CAST: variants seen among roughly 807,000 people sequenced by gnomAD.
The protein encoded by CAST is calpastatin, also known as MIR583 host.
In CAST, 76 loss-of-function variants were observed where a neutral mutation model predicts 119.6. That is an observed-to-expected ratio of 0.64 (90% CI 0.53 to 0.77). The LOEUF (loss-of-function observed/expected upper bound fraction) is 0.77. Among genes scored for constraint, CAST ranks in the 30% least tolerant of loss-of-function variants. The pLI is 0.00. For synonymous variants in CAST, 319 were observed against 331.6 expected (o/e 0.96, Z 0.41); for missense variants, 953 against 946.5 (o/e 1.01, Z -0.09).
At chr5:96,254,940 A>G in the CAST span, among the ~76,000 whole-genome samples, 1 of 152,164 alleles carries the variant, frequency 6.6e-6, no homozygotes, top group Non-Finnish European at 1.5e-5. Context: ...TTTGTCGGGC[A>G]TATTTGCTCA....
the CAST span, among the ~76,000 whole-genome samples, chr5:96,077,029 T>C: frequency 1.3e-5 from 2 of 151,702 alleles, no homozygotes; most frequent in African/African-American, 4.8e-5. Context: ...ATTAAAATTA[T>C]CCATGTTTTT....
chr5:96,100,818 C>G, the CAST span, among the ~76,000 whole-genome samples: 1 of 152,038 alleles, frequency 6.6e-6, no homozygotes, highest in Non-Finnish European at 1.5e-5. Context: ...CTACACATAT[C>G]TTACATACTT....
chr5:96,216,812 T>C, the CAST span, among the ~76,000 whole-genome samples: 5 of 152,180 alleles, frequency 3.3e-5, no homozygotes, highest in African/African-American at 1.2e-4. Context: ...GTTTGCCAAG[T>C]ACCTAAGTCT....
chr5:96,117,928 G>A, the CAST span, among the ~76,000 whole-genome samples: 1 of 152,278 alleles, frequency 6.6e-6, no homozygotes, highest in East Asian at 1.9e-4. Flanking sequence ...AAGATAGTCT[G>A]AAATTTCAAA....
chr5:96,491,527 T>TAAAAAAAAAAAAAAA, the CAST span, among the ~76,000 whole-genome samples: 2 of 106,164 alleles, frequency 1.9e-5, no homozygotes, highest in African/African-American at 3.4e-5. Flanking sequence ...AAAAAAAAAT[T>TAAAAAAAAAAAAAAA]AAAAAGACCA....
the CAST span, among the ~76,000 whole-genome samples, chr5:96,347,167 AG>A: frequency 6.6e-6 from 1 of 152,144 alleles, no homozygotes; most frequent in Non-Finnish European, 1.5e-5. Context: ...TGGTGTGGCC[AG>A]GGCTACCTGA....
At chr5:96,674,260 T>C (rs571388820) in intron 1 of CAST, among the ~76,000 whole-genome samples, 1 of 151,586 alleles carries the variant, frequency 6.6e-6, no homozygotes, top group East Asian at 1.9e-4. Flanking sequence ...TGAGCTTCTT[T>C]TTTGTATCAA....
At position 96,773,355 on chromosome 5, in the gene CAST, A is replaced by G. The variant is rs1480862828; in HGVS notation, c.*739A>G. ...AACAGAGCAAAATAAAGGTTAGATA[A>G]GTCCTTGTGTAGCAAATTTCGAGCA... is the stretch of plus-strand genomic sequence containing the variant. On this transcript the variant is annotated 3_prime_UTR_variant, in exon 32 of 32. Transcript: ENST00000675179. 6.5e-6 allele frequency: 1 copy of G among 153,378 alleles called. No homozygotes were observed. Among genetic ancestry groups the G allele is most frequent in the African/African-American group, 2.4e-5 (1 of 41,462 alleles). The allele number at this position is 153,378 out of a possible 1,614,324, so 9.5% of individuals were successfully genotyped here. A position where few individuals can be genotyped will look rare whatever the true frequency, so the allele number is the denominator to read the frequency against.
At chr5:96,280,327 A>G in the CAST span, among the ~76,000 whole-genome samples, 2 of 152,216 alleles carry the variant, frequency 1.3e-5, no homozygotes, top group Admixed American at 6.5e-5. Flanking sequence ...CATTATAAAG[A>G]TGATTCATAT....
the CAST span, among the ~76,000 whole-genome samples, chr5:96,478,897 G>C: frequency 6.6e-6 from 1 of 152,190 alleles, no homozygotes; most frequent in Non-Finnish European, 1.5e-5. Flanking sequence ...ATTACATAGG[G>C]AGCGCACTGG....
At chr5:96,232,648 A>G in the CAST span, among the ~76,000 whole-genome samples, 3,262 of 152,196 alleles carry the variant, frequency 0.021, 116 homozygotes, top group African/African-American at 0.074. Flanking sequence ...TAAAAAGAAC[A>G]AAAAATTGAG....
At chr5:96,102,507 T>A in the CAST span, among the ~76,000 whole-genome samples, 5 of 151,984 alleles carry the variant, frequency 3.3e-5, no homozygotes, top group Non-Finnish European at 7.4e-5. Context: ...AAATAACCAA[T>A]CAGGAGAGAG....
chr5:96,374,889 G>A, the CAST span, among the ~76,000 whole-genome samples: 2 of 152,122 alleles, frequency 1.3e-5, no homozygotes, highest in African/African-American at 4.8e-5. Flanking sequence ...TATGATCAGG[G>A]CTGAGCAGTG....
At chr5:96,617,745 T>C (rs1337691675) in intron 1 of CAST, among the ~76,000 whole-genome samples, 1 of 113,402 alleles carries the variant, frequency 8.8e-6, no homozygotes, top group Non-Finnish European at 1.6e-5. Flanking sequence ...TGAGCCAAGA[T>C]CACACCACTG....
the CAST span, among the ~76,000 whole-genome samples, chr5:96,350,076 T>C: frequency 6.6e-6 from 1 of 152,206 alleles, no homozygotes; most frequent in South Asian, 2.1e-4. Flanking sequence ...AAAAAGTGTC[T>C]GCGACAGGTC....
the CAST span, among the ~76,000 whole-genome samples, chr5:96,272,592 C>T: frequency 6.6e-6 from 1 of 151,556 alleles, no homozygotes; most frequent in East Asian, 1.9e-4. Flanking sequence ...TTATGAGAGG[C>T]CAAAAATGGT....
chr5:96,405,207 G>A, the CAST span, among the ~76,000 whole-genome samples: 769 of 152,294 alleles, frequency 5.0e-3, 8 homozygotes, highest in African/African-American at 0.018. Context: ...TCTTACTGAT[G>A]AATTGAGTCA....
At chr5:96,686,507 G>T (rs1217604823) in intron 2 of CAST, among the ~76,000 whole-genome samples, 3 of 152,126 alleles carry the variant, frequency 2.0e-5, no homozygotes, top group African/African-American at 7.2e-5. Flanking sequence ...AGGGTCAGTA[G>T]GGCTGAAATG....
chr5:96,265,659 C>G, the CAST span, among the ~76,000 whole-genome samples: 1 of 152,170 alleles, frequency 6.6e-6, no homozygotes, highest in African/African-American at 2.4e-5. Flanking sequence ...TCTAGAAACA[C>G]TCTCACAGAC....
Sources: gnomAD v4.1 joint callset for allele counts (sites outside exome capture counted in the v4.1 genomes callset) on GRCh38, gnomAD v4.1.1 for gene constraint, MANE v1.5 for transcripts, NCBI Gene and HGNC (gene_info 2026-07-23, HGNC 2026-07-21) for gene names.